Variants in PRSS16 observed in about 807,000 individuals in gnomAD.
The protein encoded by PRSS16 is serine protease 16.
In PRSS16, 43 loss-of-function variants were observed where a neutral mutation model predicts 61.7. The ratio of observed to expected loss-of-function variants is 0.70; its 90% CI spans 0.55 to 0.90. PRSS16 has a LOEUF of 0.90. PRSS16 is among the 40% of genes least tolerant of loss of function. The probability of loss-of-function intolerance (pLI) is 0.00; values close to 1 mark genes in which losing one functional copy is unlikely to be tolerated. For missense variants in PRSS16, 591 were observed against 659.1 expected (o/e 0.90, Z 1.13); for synonymous variants, 273 against 285.2 (o/e 0.96, Z 0.43).
At chr6:27,254,563 G>C (rs774543769) in intron 9 of PRSS16, 130 bp from the exon 10 acceptor site, 10 of 884,318 alleles carry the variant, frequency 1.1e-5, no homozygotes, top group Non-Finnish European at 1.8e-5. Flanking sequence ...CTGTCTGCCA[G>C]GACTGTAAAC....
intron 9 of PRSS16, chr6:27,253,315 A>T (rs541333511): frequency 1.2e-5 from 4 of 328,476 alleles, no homozygotes; most frequent in South Asian, 1.1e-4. Flanking sequence ...AGTCCTCCTC[A>T]CTCTGCATGG....
In PRSS16 at chr6:27,252,989, A is replaced by G; in HGVS notation, c.1150+40A>G. ...TAACCCTAACTTTGTCCCCTCAAAC[A>G]ACCTTTTTACTATGCCCAGAGAAGT... On this transcript the variant is annotated intron_variant, in intron 9 of 11. Transcript: ENST00000230582. This position sits in a 1 kb window ranked among gnomAD's most constrained non-coding sequence, Gnocchi z 4.2. The G allele has an allele frequency of 1.2e-6, 2 of 1,613,718 alleles. No individual in the cohort carries two copies. Among genetic ancestry groups the G allele is most frequent in the Non-Finnish European group, 1.7e-6 (2 of 1,179,762 alleles).
intron 5 of PRSS16, 102 bp downstream of exon 5, chr6:27,250,908 C>A: frequency 1.3e-6 from 2 of 1,552,122 alleles, no homozygotes. Flanking sequence ...CTACCTTCCT[C>A]CCGCGCCCAA....
intron 9 of PRSS16, chr6:27,253,648 G>A: frequency 5.1e-6 from 1 of 194,240 alleles, no homozygotes; most frequent in Non-Finnish European, 1.1e-5. Flanking sequence ...TACTACATAT[G>A]GTAAATTAAA....
intron 4 of PRSS16, 74 bp from the exon 5 acceptor site, chr6:27,250,609 G>T: frequency 6.6e-7 from 1 of 1,506,730 alleles, no homozygotes; most frequent in Non-Finnish European, 8.9e-7. Flanking sequence ...CTGGATCCGG[G>T]TTTCCCCCAG....
Position 27,254,825 on chromosome 6 carries a change from A to G in PRSS16, c.1283A>G (p.Tyr428Cys), listed in dbSNP as rs201267315. 1.3e-5 allele frequency: 21 copies of G among 1,614,056 alleles called. No homozygotes were observed. Among genetic ancestry groups the G allele is most frequent in the Admixed American group, 1.7e-5 (1 of 60,004 alleles). Reference protein sequence around the residue: ...VAQAVAQTNSYYGGQTPGANK... With the variant: ...VAQAVAQTNSCYGGQTPGANK... ...CAGGCTGTGGCTCAGACGAACTCCTACTACGGTGGCCAGACCCCTGGGGCT... is the reference window on the plus strand; with the variant it reads ...CAGGCTGTGGCTCAGACGAACTCCTGCTACGGTGGCCAGACCCCTGGGGCT... Residue 428 changes from tyrosine (Y) to cysteine (C), a missense_variant, in exon 10 of 12, where the codon TAC becomes TGC. Tyr to Cys is a radical substitution (Grantham distance 194). Coordinates refer to ENST00000230582, the MANE Select transcript of PRSS16 (RefSeq NM_005865.4).
In PRSS16 at chr6:27,254,760, A is replaced by T. The variant is rs1062834; in HGVS notation, c.1218A>T (p.Leu406=). Residue 406 remains leucine, a synonymous_variant, in exon 10 of 12, where the codon CTA becomes CTT. Coordinates refer to ENST00000230582, the MANE Select transcript of PRSS16 (RefSeq NM_005865.4). ...CAGCACTGCCCTCCCAGCTAGACCTATGTGAGCAGGTGTTTGGGCTCTCAG... is the reference window on the plus strand; with the variant it reads ...CAGCACTGCCCTCCCAGCTAGACCTTTGTGAGCAGGTGTTTGGGCTCTCAG... ...QLPALPSQLD[L]CEQVFGLSAL... is the part of the protein sequence containing the mutation. The T allele has an allele frequency of 6.8e-6, 11 of 1,613,910 alleles. 1 individual carries two copies. In the South Asian group the frequency reaches 1.2e-4, roughly 18 times the overall value.
rs1759952618 is a variant in PRSS16 at position 27,253,014 on chromosome 6, T to A, written c.1150+65T>A. On this transcript the variant is annotated intron_variant, in intron 9 of 11. Transcript: ENST00000230582. ...AACCTTTTTACTATGCCCAGAGAAG[T>A]CATCTTACAGGTGGTCTGGACTCAT... 4 of 1,606,280 alleles carry A rather than the reference T, an allele frequency of 2.5e-6. No individual in the cohort carries two copies. In the East Asian group the frequency reaches 8.9e-5, roughly 36 times the overall value.
Position 27,255,045 on chromosome 6 carries a change from A to G in PRSS16, c.1390A>G (p.Thr464Ala), listed in dbSNP as rs772097509. ...ACAGGCTTTAGGATCCTCAGAATCA[A>G]CTCTTCTTATCCGCACTGGCTCCCA... ...VTQALGSSES[T>A]LLIRTGSHCL... The change falls in exon 11 of 12, where the codon ACT (threonine) becomes GCT (alanine). Residue 464 changes from threonine to alanine, a missense_variant. Physicochemically the swap from Thr to Ala is moderately conservative, Grantham distance 58. Transcript: ENST00000230582. The surrounding 1 kb of genome is among the most constrained non-coding windows in gnomAD (Gnocchi z 4.4). 8 of 1,613,436 alleles carry G rather than the reference A, an allele frequency of 5.0e-6. No homozygotes were observed. The highest frequency in any genetic ancestry group is 6.8e-6 in the Non-Finnish European group (8 of 1,179,756).
In PRSS16 at chr6:27,251,585, T is replaced by TTGGGGGCAGGGGCC; in HGVS notation, c.718-158_718-157insAGGGGCCTGGGGGC. ...AGAAGGAGGGCTGCGAGGCAGGGGA[T>TTGGGGGCAGGGGCC]TGGGGGCGGGGGCCTGGGGGCGGGG... On this transcript the variant is annotated intron_variant, in intron 7 of 11. Coordinates refer to ENST00000230582, the MANE Select transcript of PRSS16 (RefSeq NM_005865.4). The surrounding 1 kb of genome is among the most constrained non-coding windows in gnomAD (Gnocchi z 5.6). 4.2e-6 allele frequency: 2 copies of TTGGGGGCAGGGGCC among 472,968 alleles called. No individual in the cohort carries two copies. The highest frequency in any genetic ancestry group is 5.9e-6 in the Non-Finnish European group (2 of 336,136). The allele number at this position is 472,968 out of a possible 1,614,324, so 29.3% of individuals were successfully genotyped here. A position where few individuals can be genotyped will look rare whatever the true frequency, so the allele number is the denominator to read the frequency against.
At chr6:27,253,477 C>T (rs1263210346) in intron 9 of PRSS16, 1 of 452,872 alleles carries the variant, frequency 2.2e-6, no homozygotes, top group Admixed American at 2.4e-5. Flanking sequence ...TTCATAGCAT[C>T]CACAGAGATC....
chr6:27,250,064 T>C (rs992782675), intron 4 of PRSS16, among the ~76,000 whole-genome samples: 2 of 152,224 alleles, frequency 1.3e-5, no homozygotes, highest in African/African-American at 4.8e-5. Context: ...TCTGTTTGCC[T>C]GTCTCATTTT....
In PRSS16 at chr6:27,251,162, A is replaced by T. The variant is rs1335128767; in HGVS notation, c.669+43A>T. 6.2e-7 allele frequency: 1 copy of T among 1,613,884 alleles called. No individual in the cohort carries two copies. Among genetic ancestry groups the T allele is most frequent in the Non-Finnish European group, 8.5e-7 (1 of 1,180,012 alleles). On this transcript the variant is annotated intron_variant, in intron 6 of 11. Transcript: ENST00000230582. The surrounding 1 kb of genome is among the most constrained non-coding windows in gnomAD (Gnocchi z 5.6). ...CAGGTGCGGGACGGGGAGGGGTCCC[A>T]GCGGGCGGAGTCCCTTGACACTTCC... is the stretch of plus-strand genomic sequence containing the variant.
Position 27,250,689 on chromosome 6 carries a change from T to C in PRSS16, c.474T>C (p.Ala158=), listed in dbSNP as rs776392050. The C allele has an allele frequency of 1.9e-6, 3 of 1,610,620 alleles. No homozygotes were observed. Among genetic ancestry groups the C allele is most frequent in the Non-Finnish European group, 2.5e-6 (3 of 1,178,254 alleles). Residue 158 remains alanine, a synonymous_variant, in exon 5 of 12, where the codon GCT becomes GCC. Coordinates refer to ENST00000230582, the MANE Select transcript of PRSS16 (RefSeq NM_005865.4). ...LRFLSSRLAL[A]DVVSARLALS... ...GTCCCCCCTTTGACCCTAGGCTGGC[T>C]GATGTGGTCTCTGCCCGCCTGGCAC... is the stretch of plus-strand genomic sequence containing the variant.
rs1432192334 is a variant in PRSS16 at position 27,251,156 on chromosome 6, G to C, written c.669+37G>C. 1 of 1,613,840 alleles carries C rather than the reference G, an allele frequency of 6.2e-7. No individual in the cohort carries two copies. Among genetic ancestry groups the C allele is most frequent in the East Asian group, 2.2e-5 (1 of 44,858 alleles). ...GGGCAGCAGGTGCGGGACGGGGAGG[G>C]GTCCCAGCGGGCGGAGTCCCTTGAC... On this transcript the variant is annotated intron_variant, in intron 6 of 11. Coordinates refer to ENST00000230582, the MANE Select transcript of PRSS16 (RefSeq NM_005865.4). This position sits in a 1 kb window ranked among gnomAD's most constrained non-coding sequence, Gnocchi z 5.6.
In PRSS16 at chr6:27,253,043, G is replaced by A. The variant is rs927738294; in HGVS notation, c.1150+94G>A. On this transcript the variant is annotated intron_variant, in intron 9 of 11. Coordinates refer to ENST00000230582, the MANE Select transcript of PRSS16 (RefSeq NM_005865.4). ...CTTACAGGTGGTCTGGACTCATTTCGACCCAGCTCTCAGGCACTGTGTAAC... is the reference window on the plus strand; with the variant it reads ...CTTACAGGTGGTCTGGACTCATTTCAACCCAGCTCTCAGGCACTGTGTAAC... The A allele has an allele frequency of 9.2e-6, 14 of 1,527,404 alleles. No homozygotes were observed. In the African/African-American group the frequency reaches 1.2e-4, roughly 13 times the overall value. 94.6% of individuals were successfully genotyped at this position (1,527,404 alleles called of 1,614,324 possible).
chr6:27,249,044 G>A, intron 3 of PRSS16, 56 bp from the exon 4 acceptor site: 3 of 1,486,070 alleles, frequency 2.0e-6, no homozygotes, highest in Middle Eastern at 1.8e-4. Flanking sequence ...GAGTGAAAGG[G>A]CTTAAACTCA....
chr6:27,254,729 A>C lies in PRSS16; in HGVS notation c.1187A>C (p.Gln396Pro). The C allele has an allele frequency of 6.2e-7, 1 of 1,614,020 alleles. No homozygotes were observed. Among genetic ancestry groups the C allele is most frequent in the Non-Finnish European group, 8.5e-7 (1 of 1,179,886 alleles). The change falls in exon 10 of 12, where the codon CAG (glutamine) becomes CCG (proline). Residue 396 changes from glutamine (Q) to proline (P), a missense_variant. By Grantham distance (76) the Gln-to-Pro change is moderately conservative (BLOSUM62 -1). Coordinates refer to ENST00000230582, the MANE Select transcript of PRSS16 (RefSeq NM_005865.4). ...TCENPRCPFS[Q>P]LPALPSQLDL... ...GAGAATCCCAGATGTCCTTTCTCCC[A>C]GCTCCCAGCACTGCCCTCCCAGCTA... is the stretch of plus-strand genomic sequence containing the variant.
At position 27,255,050 on chromosome 6, in the gene PRSS16, T is replaced by C. The variant is rs1451380470; in HGVS notation, c.1395T>C (p.Leu465=). ...TQALGSSEST[L]LIRTGSHCLD... ...CTTTAGGATCCTCAGAATCAACTCT[T>C]CTTATCCGCACTGGCTCCCACTGCT... Residue 465 remains leucine, a synonymous_variant, in exon 11 of 12, where the codon CTT becomes CTC. Transcript: ENST00000230582. The surrounding 1 kb of genome is among the most constrained non-coding windows in gnomAD (Gnocchi z 4.4). 1.2e-6 allele frequency: 2 copies of C among 1,613,890 alleles called. No homozygotes were observed. Among genetic ancestry groups the C allele is most frequent in the African/African-American group, 1.3e-5 (1 of 74,878 alleles).
Sources: gnomAD v4.1 joint callset for allele counts (sites outside exome capture counted in the v4.1 genomes callset) on GRCh38, gnomAD v4.1.1 for gene constraint, Gnocchi (gnomAD v3.1) non-coding constraint, MANE v1.5 for transcripts, NCBI Gene and HGNC (gene_info 2026-07-23, HGNC 2026-07-21) for gene names.